Variants in GALNT7 observed in about 807,000 individuals in gnomAD.
The protein encoded by GALNT7 is N-acetylgalactosaminyltransferase 7.
Under a neutral mutation model 82.1 loss-of-function variants are expected in GALNT7, and 60 were observed. The ratio of observed to expected loss-of-function variants is 0.73; its 90% CI spans 0.59 to 0.91. The LOEUF (loss-of-function observed/expected upper bound fraction) is 0.91. Ranked by LOEUF, GALNT7 falls within the 40% of genes least tolerant of loss-of-function variation. The pLI, the probability that GALNT7 is intolerant of heterozygous loss-of-function variation, is 0.00. For missense variants in GALNT7, 660 were observed against 804.2 expected (o/e 0.82, Z 2.17); for synonymous variants, 243 against 275.1 (o/e 0.88, Z 1.15).
At chr4:173,206,949 T>C (rs1444553738) in intron 1 of GALNT7, among the ~76,000 whole-genome samples, 1 of 152,234 alleles carries the variant, frequency 6.6e-6, no homozygotes, top group Non-Finnish European at 1.5e-5. Flanking sequence ...AGGGCCTTTG[T>C]GCAAAAGGGC....
chr4:173,218,537 A>G (rs1288704727), intron 1 of GALNT7, among the ~76,000 whole-genome samples: 1 of 151,982 alleles, frequency 6.6e-6, no homozygotes, highest in Non-Finnish European at 1.5e-5. Context: ...TGGGTGTTTT[A>G]TTGACAGTTG....
At chr4:173,243,885 C>T (rs1198402222) in intron 1 of GALNT7, among the ~76,000 whole-genome samples, 2 of 152,094 alleles carry the variant, frequency 1.3e-5, no homozygotes, top group Non-Finnish European at 2.9e-5. Flanking sequence ...CTTTATCTCC[C>T]CTTTTCTTTT....
chr4:173,223,439 T>A (rs961253381), intron 1 of GALNT7, among the ~76,000 whole-genome samples: 1 of 151,656 alleles, frequency 6.6e-6, no homozygotes, highest in African/African-American at 2.4e-5. Context: ...TCATACTAGC[T>A]CTTATATAAA....
chr4:173,278,215 T>A (rs17324297), intron 2 of GALNT7, among the ~76,000 whole-genome samples: 6,788 of 152,298 alleles, frequency 0.045, 194 homozygotes, highest in Non-Finnish European at 0.067. Context: ...GACATGTGTT[T>A]ACCTTAGTAG....
chr4:173,308,020 C>T (rs762202948), intron 8 of GALNT7, among the ~76,000 whole-genome samples: 9 of 152,198 alleles, frequency 5.9e-5, no homozygotes, highest in East Asian at 1.9e-4. Flanking sequence ...GCTGCATGGC[C>T]GATACCAATA....
At chr4:173,193,563 A>C (rs77430229) in intron 1 of GALNT7, among the ~76,000 whole-genome samples, 1 of 152,144 alleles carries the variant, frequency 6.6e-6, no homozygotes, top group African/African-American at 2.4e-5. Context: ...TTTTTCTATA[A>C]TTTTTTAAAG....
At chr4:173,248,779 T>C (rs895534800) in intron 2 of GALNT7, among the ~76,000 whole-genome samples, 1 of 152,228 alleles carries the variant, frequency 6.6e-6, no homozygotes, top group Non-Finnish European at 1.5e-5. Flanking sequence ...TTAAATATTT[T>C]GTTTAGTTTA....
chr4:173,288,308 AAAG>A (rs1448110297), intron 2 of GALNT7, among the ~76,000 whole-genome samples: 1 of 150,588 alleles, frequency 6.6e-6, no homozygotes, highest in African/African-American at 2.5e-5. Context: ...AAAAAAAAGA[AAAG>A]AACATATGAA....
chr4:173,212,579 T>G (rs1007275186), intron 1 of GALNT7, among the ~76,000 whole-genome samples: 2 of 151,400 alleles, frequency 1.3e-5, no homozygotes, highest in African/African-American at 4.8e-5. Context: ...CACATAGAGA[T>G]TCCCTTCCAG....
intron 1 of GALNT7, among the ~76,000 whole-genome samples, chr4:173,233,225 A>G (rs1734097069): frequency 6.6e-6 from 1 of 152,108 alleles, no homozygotes; most frequent in Non-Finnish European, 1.5e-5. Context: ...TTGATATATT[A>G]ATTTCCTTTC....
chr4:173,237,374 G>A (rs1055699664), intron 1 of GALNT7, among the ~76,000 whole-genome samples: 17 of 152,214 alleles, frequency 1.1e-4, no homozygotes, highest in Admixed American at 1.1e-3. Flanking sequence ...GCTGCACAAA[G>A]TAGTAACATT....
chr4:173,319,039 T>G (rs1737709273), intron 11 of GALNT7, among the ~76,000 whole-genome samples: 1 of 152,132 alleles, frequency 6.6e-6, no homozygotes, highest in Non-Finnish European at 1.5e-5. Context: ...TTATCATTGT[T>G]GTGTGCTAAA....
At chr4:173,313,221 G>A (rs1318937820) in intron 8 of GALNT7, among the ~76,000 whole-genome samples, 2 of 151,048 alleles carry the variant, frequency 1.3e-5, no homozygotes, top group East Asian at 3.9e-4. Flanking sequence ...TCTCATGATG[G>A]TTTCTGAAAT....
chr4:173,216,273 G>A (rs1733457977), intron 1 of GALNT7, among the ~76,000 whole-genome samples: 1 of 152,120 alleles, frequency 6.6e-6, no homozygotes, highest in Admixed American at 6.5e-5. Context: ...AAGTGCAAAG[G>A]TAAACTTAAA....
intron 1 of GALNT7, among the ~76,000 whole-genome samples, chr4:173,241,556 G>C (rs1020015879): frequency 6.6e-6 from 1 of 152,152 alleles, no homozygotes; most frequent in African/African-American, 2.4e-5. Context: ...TTATTGAGAG[G>C]CTCTTATATA....
intron 2 of GALNT7, among the ~76,000 whole-genome samples, chr4:173,256,722 G>T (rs1735052298): frequency 2.6e-5 from 4 of 152,216 alleles, no homozygotes; most frequent in Non-Finnish European, 5.9e-5. Flanking sequence ...TAGCCAGACT[G>T]CTGGGCTTAG....
chr4:173,265,339 GCTA>G (rs1425242330), intron 2 of GALNT7, among the ~76,000 whole-genome samples: 1 of 152,174 alleles, frequency 6.6e-6, no homozygotes, highest in Non-Finnish European at 1.5e-5. Context: ...TCCAGAGCCA[GCTA>G]CTGTTTGGTG....
Position 173,292,004 on chromosome 4 carries a change from T to C in GALNT7, c.588-104T>C, listed in dbSNP as rs1243389835. ...AAGGCTATATTTCATTCACTTACCG[T>C]AGTTAAGTCGATAGTATGTAATCCA... On this transcript the variant is annotated intron_variant, in intron 2 of 11. Transcript: ENST00000265000. This position sits in a 1 kb window ranked among gnomAD's most constrained non-coding sequence, Gnocchi z 4.8. The C allele has an allele frequency of 1.9e-5, 13 of 674,608 alleles. No individual in the cohort carries two copies. The highest frequency in any genetic ancestry group is 2.6e-5 in the Non-Finnish European group (10 of 388,440). 41.8% of individuals were successfully genotyped at this position (674,608 alleles called of 1,614,324 possible). A position where few individuals can be genotyped will look rare whatever the true frequency, so the allele number is the denominator to read the frequency against.
intron 2 of GALNT7, among the ~76,000 whole-genome samples, chr4:173,274,727 T>G (rs1735839547): frequency 6.6e-6 from 1 of 152,236 alleles, no homozygotes; most frequent in African/African-American, 2.4e-5. Flanking sequence ...CAGTCTGGGA[T>G]AAAAGGAGAT....
Sources: gnomAD v4.1 joint callset for allele counts (sites outside exome capture counted in the v4.1 genomes callset) on GRCh38, gnomAD v4.1.1 for gene constraint, Gnocchi (gnomAD v3.1) non-coding constraint, MANE v1.5 for transcripts, NCBI Gene and HGNC (gene_info 2026-07-23, HGNC 2026-07-21) for gene names.